Variants in ADCY2 observed in about 807,000 individuals in gnomAD.
ADCY2 encodes adenylate cyclase 2, also known as adenylate cyclase type 2.
Under a neutral mutation model 125.2 loss-of-function variants are expected in ADCY2, and 31 were observed. The ratio of observed to expected loss-of-function variants is 0.25; its 90% confidence interval spans 0.19 to 0.33. The LOEUF is 0.33. ADCY2 is among the 10% of genes least tolerant of loss of function. The pLI, the probability that ADCY2 is intolerant of heterozygous loss-of-function variation, is 1.00. For missense variants in ADCY2, 904 were observed against 1,418.2 expected (o/e 0.64, Z 5.82); for synonymous variants, 512 against 548.4 (o/e 0.93, Z 0.93).
intron 2 of ADCY2, among the ~76,000 whole-genome samples, chr5:7,455,775 A>C (rs1741647664): frequency 6.8e-6 from 1 of 147,166 alleles, no homozygotes; most frequent in South Asian, 2.1e-4. Flanking sequence ...CATATATACT[A>C]TATATTATAT....
chr5:7,673,287 A>ATATAT lies in ADCY2; in HGVS notation c.721-17404_721-17403insTATAT, dbSNP rs58507866. 5.1e-4 allele frequency among the ~76,000 whole-genome samples: 16 copies of ATATAT among 31,270 alleles called. 2 individuals are homozygous for ATATAT. The highest frequency in any genetic ancestry group is 6.3e-4 in the Non-Finnish European group (10 of 15,780). The allele number at this position is 31,270 out of a possible 152,430, so 20.5% of individuals were successfully genotyped here. A position where few individuals can be genotyped will look rare whatever the true frequency, so the allele number is the denominator to read the frequency against. On this transcript the variant is annotated intron_variant, in intron 4 of 24. Coordinates refer to ENST00000338316, the MANE Select transcript of ADCY2 (RefSeq NM_020546.3). ...AAAAAAAAATATATATATATATATAAAATTAGCCAGGTGTTGTGGAACATG... is the reference window on the plus strand; with the variant it reads ...AAAAAAAAATATATATATATATATAATATATAATTAGCCAGGTGTTGTGGAACATG...
intron 14 of ADCY2, among the ~76,000 whole-genome samples, chr5:7,733,618 G>A (rs943820701): frequency 6.6e-6 from 1 of 152,126 alleles, no homozygotes; most frequent in African/African-American, 2.4e-5. Context: ...TAGAACTTCT[G>A]TTGAACCCCC....
At chr5:7,623,217 G>A (rs1373120228) in intron 3 of ADCY2, among the ~76,000 whole-genome samples, 1 of 152,130 alleles carries the variant, frequency 6.6e-6, no homozygotes, top group Non-Finnish European at 1.5e-5. Flanking sequence ...AAATGTTGAC[G>A]GGTTTGCTTC....
At chr5:7,581,192 A>C (rs1357201038) in intron 3 of ADCY2, among the ~76,000 whole-genome samples, 1 of 152,234 alleles carries the variant, frequency 6.6e-6, no homozygotes, top group Non-Finnish European at 1.5e-5. Flanking sequence ...TCTTAATTTT[A>C]AAAACACATA....
At chr5:7,437,751 A>T (rs1740861306) in intron 2 of ADCY2, among the ~76,000 whole-genome samples, 1 of 152,216 alleles carries the variant, frequency 6.6e-6, no homozygotes, top group Non-Finnish European at 1.5e-5. Flanking sequence ...AATGGGATCT[A>T]GGCTGCATTT....
At chr5:7,480,252 T>C (rs1012781640) in intron 2 of ADCY2, among the ~76,000 whole-genome samples, 2 of 147,564 alleles carry the variant, frequency 1.4e-5, no homozygotes, top group African/African-American at 5.1e-5. Flanking sequence ...CATTACTGGG[T>C]ATATACCCAA....
intron 18 of ADCY2, among the ~76,000 whole-genome samples, chr5:7,774,941 G>A (rs1387888538): frequency 6.6e-6 from 1 of 152,134 alleles, no homozygotes. Context: ...ATTGCATCAT[G>A]GAGAATGGGG....
At chr5:7,754,941 A>G (rs1439705675) in intron 15 of ADCY2, among the ~76,000 whole-genome samples, 5 of 152,182 alleles carry the variant, frequency 3.3e-5, no homozygotes, top group Admixed American at 2.0e-4. Flanking sequence ...GTGTTTTGTG[A>G]TATTAGTATT....
chr5:7,784,326 G>T (rs761311680), intron 18 of ADCY2, 39 bp from the exon 19 acceptor site: 1 of 1,451,322 alleles, frequency 6.9e-7, no homozygotes, highest in East Asian at 2.3e-5. Context: ...GTGTTGTTTT[G>T]TTGCATTGTT....
intron 22 of ADCY2, among the ~76,000 whole-genome samples, chr5:7,808,953 A>G (rs532450651): frequency 2.2e-4 from 33 of 152,334 alleles, no homozygotes; most frequent in Non-Finnish European, 4.3e-4. Context: ...ATGACTATCA[A>G]ATGAAACTGC....
intron 5 of ADCY2, among the ~76,000 whole-genome samples, chr5:7,693,254 G>A (rs796656679): frequency 8.6e-5 from 13 of 151,964 alleles, no homozygotes; most frequent in East Asian, 3.9e-4. Context: ...ACCTGCCTGC[G>A]TCCAGGTTGC....
At chr5:7,788,628 G>A (rs867133776) in intron 19 of ADCY2, among the ~76,000 whole-genome samples, 3 of 152,106 alleles carry the variant, frequency 2.0e-5, no homozygotes, top group Non-Finnish European at 4.4e-5. Flanking sequence ...AATGATCATC[G>A]TTCTTTCAAA....
At chr5:7,497,513 TC>T (rs1215062481) in intron 2 of ADCY2, among the ~76,000 whole-genome samples, 2 of 152,142 alleles carry the variant, frequency 1.3e-5, no homozygotes, top group Non-Finnish European at 2.9e-5. Context: ...TGAGGCGGCC[TC>T]ATAATCTAAA....
chr5:7,820,001 T>G (rs1745246049), intron 23 of ADCY2, among the ~76,000 whole-genome samples: 1 of 152,182 alleles, frequency 6.6e-6, no homozygotes, highest in Non-Finnish European at 1.5e-5. Context: ...CGCAGGCCAG[T>G]GTCCAGCGGC....
intron 2 of ADCY2, among the ~76,000 whole-genome samples, chr5:7,469,138 C>A (rs984044387): frequency 6.6e-6 from 1 of 151,584 alleles, no homozygotes; most frequent in African/African-American, 2.4e-5. Context: ...GTAACCTAGG[C>A]TTTTTTGCAG....
chr5:7,409,682 A>G (rs960380993), intron 1 of ADCY2, among the ~76,000 whole-genome samples: 2 of 152,210 alleles, frequency 1.3e-5, no homozygotes, highest in Admixed American at 1.3e-4. Flanking sequence ...GGCCAAGATT[A>G]CTAATTATGA....
intron 4 of ADCY2, among the ~76,000 whole-genome samples, chr5:7,653,093 C>G (rs1739155442): frequency 6.6e-6 from 1 of 151,678 alleles, no homozygotes. Context: ...TGGGTGTAGA[C>G]AGGGAGGGCT....
At chr5:7,571,581 G>A (rs73048136) in intron 3 of ADCY2, among the ~76,000 whole-genome samples, 1 of 152,088 alleles carries the variant, frequency 6.6e-6, no homozygotes, top group Non-Finnish European at 1.5e-5. Context: ...TTGTTCTTCT[G>A]TATTAAGGAT....
In ADCY2 at chr5:7,707,779, A is replaced by G. The variant is rs760207405; in HGVS notation, c.1342A>G (p.Ile448Val). 3 of 1,614,060 alleles carry G rather than the reference A, an allele frequency of 1.9e-6. No homozygotes were observed. Among genetic ancestry groups the G allele is most frequent in the Non-Finnish European group, 2.5e-6 (3 of 1,180,036 alleles). The change falls in exon 9 of 25, where the codon ATT (isoleucine) becomes GTT (valine). Residue 448 changes from isoleucine (I) to valine (V), a missense_variant. Ile to Val is a conservative substitution (Grantham distance 29). This residue lies in a region of ADCY2 where 144 missense variants were observed against 227.7 expected (regional missense o/e 0.63). Transcript: ENST00000338316. ...AYKVEEGDGD[I>V]RDPYLKQHLV... ...TAAAGTGGAGGAGGGAGATGGTGAC[A>G]TTAGGGACCCATATTTAAAACAGCA...
Sources: allele counts gnomAD v4.1 joint callset (sites outside exome capture counted in the v4.1 genomes callset), GRCh38; gene constraint gnomAD v4.1.1; regional missense constraint gnomAD v4.1.1; transcripts MANE v1.5; gene names NCBI Gene and HGNC (gene_info 2026-07-23, HGNC 2026-07-21).